The following TAF1A variants were observed in gnomAD, a reference collection of about 807,000 sequenced individuals.
TAF1A encodes TATA-box binding protein associated factor, RNA polymerase I subunit A.
TAF1A carries 42 observed loss-of-function variants against 61.6 expected under a neutral mutation model. The observed-to-expected ratio is 0.68, with a 90% CI of 0.53 to 0.88. The LOEUF (loss-of-function observed/expected upper bound fraction) is 0.88. Ranked by LOEUF, TAF1A falls within the 40% of genes least tolerant of loss-of-function variation. TAF1A has a pLI of 0.00. For missense variants in TAF1A, 424 were observed against 518.7 expected (o/e 0.82, Z 1.77); for synonymous variants, 179 against 177.7 (o/e 1.01, Z -0.06).
chr1:222,566,726 C>T (rs959244694), intron 7 of TAF1A, among the ~76,000 whole-genome samples: 1 of 152,120 alleles, frequency 6.6e-6, no homozygotes. Context: ...TGGCCTGGTT[C>T]CTAACAGGTC....
chr1:222,577,333 C>A (rs377241806), intron 5 of TAF1A, 112 bp downstream of exon 5: 3 of 790,380 alleles, frequency 3.8e-6, no homozygotes, highest in South Asian at 1.9e-5. Flanking sequence ...CATAAAAAGT[C>A]TGTTCTCCAT....
In TAF1A at chr1:222,558,636, CT is replaced by C; in HGVS notation, c.*23del. On this transcript the variant is annotated 3_prime_UTR_variant, in exon 11 of 11. Transcript: ENST00000352967. ...CAAGCTACTTACTGTGTAGCTACAACTGTGAAATAACTAAAATTCAGTATCA... is the reference window on the plus strand; with the variant it reads ...CAAGCTACTTACTGTGTAGCTACAACGTGAAATAACTAAAATTCAGTATCA... 7.6e-7 allele frequency: 1 copy of C among 1,312,376 alleles called. No individual in the cohort carries two copies. Among genetic ancestry groups the C allele is most frequent in the Non-Finnish European group, 1.1e-6 (1 of 949,936 alleles). The allele number at this position is 1,312,376 out of a possible 1,614,324, so 81.3% of individuals were successfully genotyped here.
chr1:222,561,661 CAT>C (rs1383352354), intron 9 of TAF1A, 143 bp from the exon 10 acceptor site: 2 of 737,358 alleles, frequency 2.7e-6, no homozygotes, highest in African/African-American at 3.6e-5. Context: ...AGGCATAACA[CAT>C]GATTGGCAAC....
intron 2 of TAF1A, among the ~76,000 whole-genome samples, chr1:222,585,607 T>C (rs941327617): frequency 3.9e-5 from 6 of 152,182 alleles, no homozygotes; most frequent in African/African-American, 1.4e-4. Flanking sequence ...CCACCACACC[T>C]GGCCAACAAC....
At chr1:222,555,739 G>A (rs1201484281), downstream of TAF1A, among the ~76,000 whole-genome samples, 1 of 151,952 alleles carries the variant, frequency 6.6e-6, no homozygotes, top group Non-Finnish European at 1.5e-5. Context: ...CATACATAAT[G>A]GTAATTATGT....
rs1302167665 is a variant in TAF1A, at chr1:222,583,366, A to G, written c.291+762T>C. Among the ~76,000 whole-genome samples the G allele has an allele frequency of 1.1e-4, 16 of 152,240 alleles. No homozygotes were observed. In the South Asian group the frequency reaches 3.3e-3, roughly 32 times the overall value. On this transcript the variant is annotated intron_variant, in intron 3 of 10. Transcript: ENST00000352967. ...TTGCACAACTCTGTAAATGTATGAAAATACATTGAATTGTACAATTTAAGT... is the reference window on the plus strand; with the variant it reads ...TTGCACAACTCTGTAAATGTATGAAGATACATTGAATTGTACAATTTAAGT...
At chr1:222,563,925 A>C in intron 8 of TAF1A, 134 bp downstream of exon 8, 1 of 628,864 alleles carries the variant, frequency 1.6e-6, no homozygotes, top group Non-Finnish European at 2.9e-6. Flanking sequence ...ACAATACAGA[A>C]ACAGATGGAC....
In TAF1A at chr1:222,577,487, A is replaced by T. The variant is rs1660618745; in HGVS notation, c.562T>A (p.Tyr188Asn). ...ATCTTCTTTTCAGACCAGGTATAAT[A>T]CTGTAAAAGCCCTTTATAGGCCTGA... is the stretch of plus-strand genomic sequence containing the variant. ...LIQAYKGLLQ[Y>N]YTWSEKKMEL... is the part of the protein sequence containing the mutation. Residue 188 changes from tyrosine to asparagine, a missense_variant, in exon 5 of 11, where the codon TAT becomes AAT. Transcript: ENST00000352967. 1 of 1,613,856 alleles carries T rather than the reference A, an allele frequency of 6.2e-7. No individual in the cohort carries two copies. Among genetic ancestry groups the T allele is most frequent in the South Asian group, 1.1e-5 (1 of 91,076 alleles).
chr1:222,567,607 G>A (rs1437381480), intron 7 of TAF1A, among the ~76,000 whole-genome samples: 4 of 152,068 alleles, frequency 2.6e-5, no homozygotes, highest in Non-Finnish European at 5.9e-5. Context: ...TAAATGGAGA[G>A]ACATGCCATG....
In TAF1A at chr1:222,563,301, A is replaced by G. The variant is rs1276315224; in HGVS notation, c.962-5T>C. On this transcript the variant is annotated splice_region_variant and splice_polypyrimidine_tract_variant and intron_variant, in intron 8 of 10. Coordinates refer to ENST00000352967, the MANE Select transcript of TAF1A (RefSeq NM_005681.4). ...GTTTACGGTGTTCTTCTTTTTCTGC[A>G]ATGGTTTTAACAGTTCAAGTTTACA... 1.2e-6 allele frequency: 2 copies of G among 1,611,674 alleles called. No homozygotes were observed. The highest frequency in any genetic ancestry group is 1.7e-6 in the Non-Finnish European group (2 of 1,179,210).
intron 7 of TAF1A, 81 bp downstream of exon 7, chr1:222,569,429 A>G (rs1660254716): frequency 6.2e-7 from 1 of 1,611,012 alleles, no homozygotes; most frequent in African/African-American, 1.3e-5. Context: ...TAGATGCTAT[A>G]AAAGTTAGAA....
At chr1:222,580,755 G>A (rs544014737) in intron 3 of TAF1A, among the ~76,000 whole-genome samples, 14 of 147,178 alleles carry the variant, frequency 9.5e-5, no homozygotes, top group African/African-American at 3.5e-4. Flanking sequence ...GTAAATGCAG[G>A]GGGGGAAGAA....
chr1:222,570,389 G>A, intron 6 of TAF1A, 146 bp downstream of exon 6: 3 of 790,470 alleles, frequency 3.8e-6, no homozygotes, highest in Non-Finnish European at 5.6e-6. Flanking sequence ...AACAAATTCA[G>A]ACCAAAAAAG....
intron 2 of TAF1A, among the ~76,000 whole-genome samples, chr1:222,585,191 A>C (rs1229755788): frequency 6.6e-6 from 1 of 152,200 alleles, no homozygotes; most frequent in African/African-American, 2.4e-5. Flanking sequence ...TGCTCATCAA[A>C]ACTGCAGAAC....
In TAF1A at chr1:222,570,597, T is replaced by G; in HGVS notation, c.673A>C (p.Asn225His). ...GGAATTTTAATCAATGCAGAAATAT[T>G]TGCAGATGTCTTCCAGCTGTGGTTG... Reference protein sequence around the residue: ...VFNHSWKTSANISALIKIPGV... With the variant: ...VFNHSWKTSAHISALIKIPGV... The change falls in exon 6 of 11, where the codon AAT (asparagine) becomes CAT (histidine). Residue 225 changes from asparagine to histidine, a missense_variant. Transcript: ENST00000352967. 6.2e-7 allele frequency: 1 copy of G among 1,613,132 alleles called. No homozygotes were observed. The highest frequency in any genetic ancestry group is 8.5e-7 in the Non-Finnish European group (1 of 1,179,280).
At chr1:222,569,789 C>A in intron 6 of TAF1A, 121 bp from the exon 7 acceptor site, 1 of 854,108 alleles carries the variant, frequency 1.2e-6, no homozygotes, top group Non-Finnish European at 1.7e-6. Context: ...ACAGGGTTCC[C>A]ATTTTTTCCC....
chr1:222,561,243 A>C, intron 10 of TAF1A, 121 bp downstream of exon 10: 1 of 951,438 alleles, frequency 1.1e-6, no homozygotes, highest in African/African-American at 1.7e-5. Flanking sequence ...TTGAGCAGTT[A>C]TGTCTTAAGC....
chr1:222,563,562 A>G (rs1265548670), intron 8 of TAF1A, among the ~76,000 whole-genome samples: 1 of 152,188 alleles, frequency 6.6e-6, no homozygotes, highest in African/African-American at 2.4e-5. Context: ...TCCTCTACTA[A>G]GGACATTATT....
chr1:222,583,666 C>T (rs868430587), intron 3 of TAF1A, among the ~76,000 whole-genome samples: 8 of 151,740 alleles, frequency 5.3e-5, no homozygotes, highest in Non-Finnish European at 1.2e-4. Flanking sequence ...GGTGAAACCC[C>T]GTCTCTACCA....
Sources: allele counts gnomAD v4.1 joint callset (sites outside exome capture counted in the v4.1 genomes callset), GRCh38; gene constraint gnomAD v4.1.1; transcripts MANE v1.5; gene names NCBI Gene and HGNC (gene_info 2026-07-23, HGNC 2026-07-21).